Variants in PLK4 observed in about 807,000 individuals in gnomAD.
PLK4 encodes the protein polo like kinase 4.
PLK4 carries 51 observed loss-of-function variants against 103.0 expected under a neutral mutation model. The observed-to-expected ratio is 0.50, with a 90% CI of 0.40 to 0.63. The LOEUF is 0.63. Ranked by LOEUF, PLK4 falls within the 20% of genes least tolerant of loss-of-function variation. The pLI is 0.00. For missense variants in PLK4, 1,054 were observed against 1,151.0 expected (o/e 0.92, Z 1.22); for synonymous variants, 389 against 376.8 (o/e 1.03, Z -0.38).
chr4:127,886,719 A>G lies in PLK4; in HGVS notation c.1349A>G (p.Asn450Ser), dbSNP rs563501150. ...SSGSFERPDN[N>S]QALSNHLCPG... ...GGATCTTTTGAAAGACCTGATAACA[A>G]TCAAGCACTGTAAGAATAATTCTAT... The change falls in exon 5 of 16, where the codon AAT becomes AGT. Residue 450 changes from asparagine (N) to serine (S), a missense_variant. Asn to Ser is a conservative substitution (Grantham distance 46, BLOSUM62 1). Transcript: ENST00000270861. The G allele has an allele frequency of 1.4e-5, 23 of 1,594,574 alleles. No homozygotes were observed. The highest frequency in any genetic ancestry group is 4.5e-5 in the East Asian group (2 of 44,790).
intron 15 of PLK4, 133 bp downstream of exon 15, chr4:127,897,040 ATTAT>A (rs1232400004): frequency 2.8e-5 from 16 of 571,146 alleles, no homozygotes; most frequent in Middle Eastern, 4.1e-4. Flanking sequence ...TAAACTGTTA[ATTAT>A]TCTTAGCAAT....
At chr4:127,896,381 A>G (rs1735566056) in intron 14 of PLK4, among the ~76,000 whole-genome samples, 1 of 152,186 alleles carries the variant, frequency 6.6e-6, no homozygotes, top group Admixed American at 6.5e-5. Flanking sequence ...TCAGGCCAGG[A>G]AAGAAATTCT....
Position 127,898,488 on chromosome 4 carries a change from T to A in PLK4, c.2860T>A (p.Cys954Ser). 6.3e-7 allele frequency: 1 copy of A among 1,590,550 alleles called. No homozygotes were observed. The highest frequency in any genetic ancestry group is 8.6e-7 in the Non-Finnish European group (1 of 1,161,202). ...AGACTACATCAAACAGAAATTACAG[T>A]GTCTGTCTTCCATCCTTTTGATGTT... The part of the protein sequence containing the change: ...LPDYIKQKLQ[C>S]LSSILLMFSN... The change falls in exon 16 of 16, where the codon TGT becomes AGT. Residue 954 changes from cysteine (C) to serine (S), a missense_variant. By Grantham distance (112) the Cys-to-Ser change is moderately radical (BLOSUM62 -1). Around this residue, in one of 4 missense-constraint regions of PLK4, gnomAD observed 167 missense variants for 200.7 expected, o/e 0.83. Coordinates refer to ENST00000270861, the MANE Select transcript of PLK4 (RefSeq NM_014264.5).
In PLK4 at chr4:127,890,404, T is replaced by G. The variant is rs1281771603; in HGVS notation, c.1830+168T>G. Among the ~76,000 whole-genome samples the G allele has an allele frequency of 4.6e-5, 7 of 152,140 alleles. No homozygotes were observed. The East Asian group carries it at 1.3e-3, about 29-fold the overall frequency. ...GGTGTTTATGGAAAAACAGCTCTTATTTCCCTCTATCTTCTTAATTATAGT... is the reference window on the plus strand; with the variant it reads ...GGTGTTTATGGAAAAACAGCTCTTAGTTCCCTCTATCTTCTTAATTATAGT... On this transcript the variant is annotated intron_variant, in intron 7 of 15. Coordinates refer to ENST00000270861, the MANE Select transcript of PLK4 (RefSeq NM_014264.5).
At position 127,885,869 on chromosome 4, in the gene PLK4, A is replaced by G. The variant is rs1207780808; in HGVS notation, c.499A>G (p.Lys167Glu). ...AACTCAACTGAAAATGCCACATGAA[A>G]AGCACTATACATTATGTGGAACTCC... ...LATQLKMPHE[K>E]HYTLCGTPNY... is the part of the protein sequence containing the mutation. Residue 167 changes from lysine to glutamate, a missense_variant, in exon 5 of 16, where the codon AAG becomes GAG. This residue lies in a region of PLK4 where 199 missense variants were observed against 270.1 expected (regional missense o/e 0.74). Coordinates refer to ENST00000270861, the MANE Select transcript of PLK4 (RefSeq NM_014264.5). 1 of 1,614,130 alleles carries G rather than the reference A, an allele frequency of 6.2e-7. No individual in the cohort carries two copies. The highest frequency in any genetic ancestry group is 8.5e-7 in the Non-Finnish European group (1 of 1,180,022).
chr4:127,889,934 T>A lies in PLK4; in HGVS notation c.1528T>A (p.Leu510Met). The A allele has an allele frequency of 6.2e-7, 1 of 1,613,886 alleles. No individual in the cohort carries two copies. Among genetic ancestry groups the A allele is most frequent in the Non-Finnish European group, 8.5e-7 (1 of 1,179,864 alleles). Reference protein sequence around the residue: ...PNRDFQGHPDLQKDTSKNAWT... With the variant: ...PNRDFQGHPDMQKDTSKNAWT... ...CCGGGACTTCCAGGGCCATCCAGAT[T>A]TGCAGAAGGACACATCAAAAAATGC... The change falls in exon 7 of 16, where the codon TTG (leucine) becomes ATG (methionine). Residue 510 changes from leucine to methionine, a missense_variant. Physicochemically the swap from Leu to Met is conservative, Grantham distance 15. Around this residue, in one of 4 missense-constraint regions of PLK4, gnomAD observed 680 missense variants for 660.3 expected, o/e 1.03. Coordinates refer to ENST00000270861, the MANE Select transcript of PLK4 (RefSeq NM_014264.5).
At chr4:127,894,394 T>A (rs1382545192) in intron 13 of PLK4, among the ~76,000 whole-genome samples, 1 of 151,744 alleles carries the variant, frequency 6.6e-6, no homozygotes, top group African/African-American at 2.4e-5. Flanking sequence ...GCCTGGCTAA[T>A]TTTTTTTGTA....
intron 5 of PLK4, 49 bp downstream of exon 5, chr4:127,886,777 T>TC: frequency 8.8e-7 from 1 of 1,129,968 alleles, no homozygotes; most frequent in South Asian, 1.6e-5. Context: ...AACATTATAC[T>TC]AGTATAAATA....
At position 127,886,093 on chromosome 4, in the gene PLK4, T is replaced by C; in HGVS notation, c.723T>C (p.Leu241=). 1.9e-6 allele frequency: 3 copies of C among 1,614,232 alleles called. No homozygotes were observed. The Middle Eastern group carries it at 4.9e-4, about 266-fold the overall frequency. The change falls in exon 5 of 16, where the codon CTT becomes CTC. Residue 241 remains leucine, a synonymous_variant. Coordinates refer to ENST00000270861, the MANE Select transcript of PLK4 (RefSeq NM_014264.5). The stretch of plus-strand genomic sequence containing the variant: ...TTTTGTCAATAGAGGCCAAGGACCT[T>C]ATTCACCAGTTACTTCGTAGAAATC... ...PSFLSIEAKD[L]IHQLLRRNPA... is the part of the protein sequence containing the mutation.
rs1734945478 is a variant in PLK4 at position 127,881,888 on chromosome 4, G to C, written c.88G>C (p.Glu30Gln). 6.2e-7 allele frequency: 1 copy of C among 1,609,052 alleles called. No homozygotes were observed. Among genetic ancestry groups the C allele is most frequent in the Non-Finnish European group, 8.5e-7 (1 of 1,175,400 alleles). ...ATCATTTGCTGGTGTCTACAGAGCT[G>C]AGTCCATTCACACTGGTTTGGAAGT... The part of the protein sequence containing the change: ...KGSFAGVYRA[E>Q]SIHTGLEVAI... Residue 30 changes from glutamate (E) to glutamine (Q), a missense_variant, in exon 2 of 16, where the codon GAG becomes CAG. Glu to Gln is a conservative substitution (Grantham distance 29). Coordinates refer to ENST00000270861, the MANE Select transcript of PLK4 (RefSeq NM_014264.5).
Position 127,886,483 on chromosome 4 carries a change from A to T in PLK4, c.1113A>T (p.Arg371=). The part of the protein sequence containing the change: ...IQDAEERPHS[R]YLRRAYSSDR... ...ATGCAGAAGAAAGGCCACATTCTCG[A>T]TACCTTCGTAGAGCTTATTCCTCTG... Residue 371 remains arginine, a synonymous_variant, in exon 5 of 16, where the codon CGA becomes CGT. Coordinates refer to ENST00000270861, the MANE Select transcript of PLK4 (RefSeq NM_014264.5). 1 of 1,614,076 alleles carries T rather than the reference A, an allele frequency of 6.2e-7. No individual in the cohort carries two copies. The highest frequency in any genetic ancestry group is 8.5e-7 in the Non-Finnish European group (1 of 1,179,928).
At chr4:127,897,824 C>CTTTT (rs200741150) in intron 15 of PLK4, among the ~76,000 whole-genome samples, 2,370 of 28,744 alleles carry the variant, frequency 0.082, 1,071 homozygotes, top group Non-Finnish European at 0.12. Context: ...AGAATTAGGG[C>CTTTT]TTTTTTTTTT....
In PLK4 at chr4:127,885,949, T is replaced by C. The variant is rs1267597607; in HGVS notation, c.579T>C (p.Asp193=). ...GAAGTGCACATGGCCTTGAATCTGA[T>C]GTTTGGTCCCTGGGCTGTATGTTTT... ...ATRSAHGLES[D]VWSLGCMFYT... The change falls in exon 5 of 16, where the codon GAT becomes GAC. Residue 193 remains aspartate, a synonymous_variant. Transcript: ENST00000270861. 1.9e-6 allele frequency: 3 copies of C among 1,614,096 alleles called. No individual in the cohort carries two copies. The highest frequency in any genetic ancestry group is 1.3e-5 in the African/African-American group (1 of 74,936).
chr4:127,881,429 C>G (rs1240603308), intron 1 of PLK4: 1 of 1,385,334 alleles, frequency 7.2e-7, no homozygotes, highest in Non-Finnish European at 9.4e-7. Flanking sequence ...TCAGCAATCC[C>G]GCCCGAGCTA....
In PLK4 at chr4:127,883,543, A is replaced by T; in HGVS notation, c.327A>T (p.Ser109=). The change falls in exon 4 of 16, where the codon TCA becomes TCT. Residue 109 remains serine (S), a synonymous_variant. Transcript: ENST00000270861. ...RYLKNRVKPF[S]ENEARHFMHQ... is the part of the protein sequence containing the mutation. ...TAAAGAATAGAGTGAAACCCTTCTC[A>T]GAAAATGAAGGTAGGTGTGTGGTTT... The T allele has an allele frequency of 6.9e-7, 1 of 1,444,362 alleles. No homozygotes were observed. The highest frequency in any genetic ancestry group is 9.7e-7 in the Non-Finnish European group (1 of 1,034,524). 89.5% of individuals were successfully genotyped at this position (1,444,362 alleles called of 1,614,324 possible). A position where few individuals can be genotyped will look rare whatever the true frequency, so the allele number is the denominator to read the frequency against.
chr4:127,881,824 T>G lies in PLK4; in HGVS notation c.31-7T>G, dbSNP rs761636145. ...ATCACACATAATCTTTAATTTTAAC[T>G]TTTAAGGATTTTAAAGTTGGAAATC... On this transcript the variant is annotated splice_polypyrimidine_tract_variant and splice_region_variant and intron_variant, in intron 1 of 15. Coordinates refer to ENST00000270861, the MANE Select transcript of PLK4 (RefSeq NM_014264.5). The G allele has an allele frequency of 3.3e-6, 5 of 1,536,128 alleles. No individual in the cohort carries two copies. The highest frequency in any genetic ancestry group is 4.5e-6 in the Non-Finnish European group (5 of 1,109,048).
At chr4:127,892,725 TATTA>T in intron 10 of PLK4, 2 of 398,622 alleles carry the variant, frequency 5.0e-6, no homozygotes, top group Non-Finnish European at 8.9e-6. Flanking sequence ...ATAATATGTA[TATTA>T]GTCCTCTTTT....
intron 9 of PLK4, 131 bp downstream of exon 9, chr4:127,891,812 TTGTTTC>T: frequency 2.6e-6 from 1 of 390,302 alleles, no homozygotes; most frequent in Admixed American, 4.3e-5. Context: ...TTCTTGTACT[TTGTTTC>T]TGGTGAGAGT....
At chr4:127,887,861 G>A (rs1218134262) in intron 6 of PLK4, among the ~76,000 whole-genome samples, 1 of 130,180 alleles carries the variant, frequency 7.7e-6, no homozygotes, top group Non-Finnish European at 1.6e-5. Context: ...GACAGAGAGA[G>A]AGACCCTGTC....
Sources: gnomAD v4.1 joint callset for allele counts (sites outside exome capture counted in the v4.1 genomes callset) on GRCh38, gnomAD v4.1.1 for gene constraint, gnomAD v4.1.1 regional missense constraint, MANE v1.5 for transcripts, NCBI Gene and HGNC (gene_info 2026-07-23, HGNC 2026-07-21) for gene names.